TPO: variants seen among roughly 807,000 people sequenced by gnomAD.
TPO encodes thyroid microsomal antigen.
Under a neutral mutation model 96.9 loss-of-function variants are expected in TPO, and 78 were observed. That is an observed-to-expected ratio of 0.81 (90% CI 0.67 to 0.97). The LOEUF (loss-of-function observed/expected upper bound fraction) is 0.97, where lower values mean the gene tolerates loss of function less well. TPO is among the 50% of genes least tolerant of loss of function. The probability of loss-of-function intolerance (pLI) is 0.00; values close to 1 mark genes in which losing one functional copy is unlikely to be tolerated. For synonymous variants in TPO, 547 were observed against 538.0 expected (o/e 1.02, Z -0.23); for missense variants, 1,252 against 1,274.8 (o/e 0.98, Z 0.27).
Position 1,496,171 on chromosome 2 carries a change from A to T in TPO, c.2189A>T (p.Glu730Val). The change falls in exon 12 of 17, where the codon GAG becomes GTG. Residue 730 changes from glutamate (E) to valine (V), a missense_variant. Coordinates refer to ENST00000329066, the MANE Select transcript of TPO (RefSeq NM_001206744.2). ...SCDSITGMNLEAWRETFPQDD... is the reference protein window; with the variant it reads ...SCDSITGMNLVAWRETFPQDD... Reference sequence around the variant, plus strand: ...GACAGCATCACTGGCATGAACCTGGAGGCCTGGAGGGAAACCTTTCCTCAA... The same window carrying T: ...GACAGCATCACTGGCATGAACCTGGTGGCCTGGAGGGAAACCTTTCCTCAA... 6.2e-7 allele frequency: 1 copy of T among 1,614,018 alleles called. No individual in the cohort carries two copies. The highest frequency in any genetic ancestry group is 8.5e-7 in the Non-Finnish European group (1 of 1,179,960).
intron 10 of TPO, among the ~76,000 whole-genome samples, chr2:1,489,527 C>T (rs959969914): frequency 6.6e-6 from 1 of 152,214 alleles, no homozygotes; most frequent in Admixed American, 6.5e-5. Flanking sequence ...AACCCATGTT[C>T]CCACTGGCCT....
At chr2:1,478,223 A>T in intron 8 of TPO, 2 of 985,338 alleles carry the variant, frequency 2.0e-6, no homozygotes, top group Non-Finnish European at 2.4e-6. Context: ...GCCTTTTATT[A>T]ATTGTGTGAT....
At chr2:1,524,018 C>A (rs1355661488) in intron 15 of TPO, among the ~76,000 whole-genome samples, 12 of 85,378 alleles carry the variant, frequency 1.4e-4, no homozygotes, top group Admixed American at 1.2e-3. Context: ...AAATCCCCCC[C>A]ACTCTGTGCA....
chr2:1,433,716 C>A, intron 4 of TPO, 109 bp downstream of exon 4: 2 of 1,250,868 alleles, frequency 1.6e-6, no homozygotes, highest in Non-Finnish European at 2.3e-6. Flanking sequence ...TGAGACCAAG[C>A]AGGATGGGAC....
At position 1,496,665 on chromosome 2, in the gene TPO, C is replaced by A. The variant is rs13429240; in HGVS notation, c.2286C>A (p.Arg762=). The change falls in exon 13 of 17, where the codon CGC becomes CGA. Residue 762 remains arginine, a synonymous_variant. Transcript: ENST00000329066. ...TGCACTGTGAGGAGTCTGGGAGGCG[C>A]GTGCTGGTGTATTCCTGCCGGCACG... is the stretch of plus-strand genomic sequence containing the variant. The part of the protein sequence containing the change: ...DFVHCEESGR[R]VLVYSCRHGY... 3 of 1,613,926 alleles carry A rather than the reference C, an allele frequency of 1.9e-6. No individual in the cohort carries two copies. Among genetic ancestry groups the A allele is most frequent in the Non-Finnish European group, 2.5e-6 (3 of 1,179,996 alleles).
At chr2:1,402,326 C>T (rs1221097423) in intron 1 of TPO, among the ~76,000 whole-genome samples, 1 of 152,104 alleles carries the variant, frequency 6.6e-6, no homozygotes, top group Non-Finnish European at 1.5e-5. Flanking sequence ...AGGGAAGGCA[C>T]AGGAAGCAAG....
chr2:1,518,134 T>A (rs1393766639), intron 15 of TPO, among the ~76,000 whole-genome samples: 1 of 152,224 alleles, frequency 6.6e-6, no homozygotes, highest in African/African-American at 2.4e-5. Context: ...CACATATCTA[T>A]GGATTATCCA....
intron 1 of TPO, among the ~76,000 whole-genome samples, chr2:1,391,256 A>C (rs891009993): frequency 6.6e-5 from 10 of 152,214 alleles, no homozygotes; most frequent in Non-Finnish European, 1.2e-4. Context: ...ATGGCTAGCC[A>C]GTTTTCCCAG....
chr2:1,401,251 A>G (rs1214866261), intron 1 of TPO, among the ~76,000 whole-genome samples: 1 of 152,224 alleles, frequency 6.6e-6, no homozygotes, highest in East Asian at 1.9e-4. Flanking sequence ...AGTTTACTTG[A>G]CCATTAGAAG....
rs778217413 is a variant in TPO, at chr2:1,477,119, G to A, written c.853G>A (p.Ala285Thr). 8.7e-6 allele frequency: 14 copies of A among 1,608,210 alleles called. No individual in the cohort carries two copies. The highest frequency in any genetic ancestry group is 4.4e-5 in the South Asian group (4 of 90,678). Residue 285 changes from alanine (A) to threonine (T), a missense_variant, in exon 8 of 17, where the codon GCC (alanine) becomes ACC (threonine). By Grantham distance (58) the Ala-to-Thr change is moderately conservative (BLOSUM62 0). Transcript: ENST00000329066. ...GGAGGCCCGGCCGGCCGCGGGCACCGCCTGTCTGCCCTTCTACCGCTCTTC... is the reference window on the plus strand; with the variant it reads ...GGAGGCCCGGCCGGCCGCGGGCACCACCTGTCTGCCCTTCTACCGCTCTTC... ...PEEARPAAGT[A>T]CLPFYRSSAA... is the part of the protein sequence containing the mutation.
chr2:1,487,730 C>T lies in TPO; in HGVS notation c.1598-91C>T. The stretch of plus-strand genomic sequence containing the variant: ...AGCCTGGGCAACAGAAAGAATGAGA[C>T]TCCGTCTCAAAAAAAAAAAAAATTG... On this transcript the variant is annotated intron_variant, in intron 9 of 16. Transcript: ENST00000329066. The T allele has an allele frequency of 5.9e-6, 9 of 1,518,768 alleles. 1 individual carries two copies. The highest frequency in any genetic ancestry group is 8.0e-6 in the Non-Finnish European group (9 of 1,119,372). 94.1% of individuals were successfully genotyped at this position (1,518,768 alleles called of 1,614,324 possible). A position where few individuals can be genotyped will look rare whatever the true frequency, so the allele number is the denominator to read the frequency against.
At chr2:1,419,749 G>T (rs1018425473) in intron 2 of TPO, among the ~76,000 whole-genome samples, 2 of 152,306 alleles carry the variant, frequency 1.3e-5, no homozygotes, top group African/African-American at 4.8e-5. Flanking sequence ...TTGCTGAGGG[G>T]CTGTGCAGCA....
At position 1,380,348 on chromosome 2, in the gene TPO, C is replaced by A. The variant is rs188577707; in HGVS notation, n.180+5946C>A. Reference sequence around the variant, plus strand: ...GGCAGAGCTTGGAGTGAGCCGAGATCACTTTACTGCACTCCAGCCTGGGCG... The same window carrying A: ...GGCAGAGCTTGGAGTGAGCCGAGATAACTTTACTGCACTCCAGCCTGGGCG... On this transcript the variant is annotated intron_variant and non_coding_transcript_variant, in intron 1 of 5. Coordinates refer to the TPO transcript ENST00000497517. Among the ~76,000 whole-genome samples, 510 of 145,278 alleles carry A rather than the reference C, an allele frequency of 3.5e-3. 2 individuals are homozygous for A. The highest frequency in any genetic ancestry group is 0.012 in the African/African-American group (450 of 38,766).
In TPO at chr2:1,496,710, G is replaced by A; in HGVS notation, c.2331G>A (p.Arg777=). The change falls in exon 13 of 17, where the codon CGG becomes CGA. Residue 777 remains arginine (R), a synonymous_variant. Coordinates refer to ENST00000329066, the MANE Select transcript of TPO (RefSeq NM_001206744.2). ...GGCACGGGTATGAGCTCCAAGGCCG[G>A]GAGCAGCTCACTTGCACCCAGGAAG... is the stretch of plus-strand genomic sequence containing the variant. ...SCRHGYELQG[R]EQLTCTQEGW... 1 of 1,614,126 alleles carries A rather than the reference G, an allele frequency of 6.2e-7. No homozygotes were observed. Among genetic ancestry groups the A allele is most frequent in the African/African-American group, 1.3e-5 (1 of 75,034 alleles).
intron 14 of TPO, among the ~76,000 whole-genome samples, chr2:1,515,155 C>G (rs892250127): frequency 6.6e-6 from 1 of 152,228 alleles, no homozygotes; most frequent in Non-Finnish European, 1.5e-5. Context: ...CCACCCAGGC[C>G]TCGATCAGCT....
At chr2:1,384,277 A>C (rs1391946001) in intron 1 of TPO, among the ~76,000 whole-genome samples, 2 of 152,204 alleles carry the variant, frequency 1.3e-5, no homozygotes, top group Non-Finnish European at 2.9e-5. Context: ...TGGGGATGGC[A>C]CTGAATCTAT....
chr2:1,445,797 T>C lies in TPO; in HGVS notation c.483-7897T>C, dbSNP rs11689386. Reference sequence around the variant, plus strand: ...CCTTCTTGTTTGTATGAACCACTCATTGCTGCAGGAGGTACCATGTTGGAA... The same window carrying C: ...CCTTCTTGTTTGTATGAACCACTCACTGCTGCAGGAGGTACCATGTTGGAA... On this transcript the variant is annotated intron_variant, in intron 5 of 16. Transcript: ENST00000329066. Among the ~76,000 whole-genome samples, 141 of 17,246 alleles carry C rather than the reference T, an allele frequency of 8.2e-3. 16 individuals carry two copies. Among genetic ancestry groups the C allele is most frequent in the South Asian group, 0.013 (6 of 446 alleles). The allele number at this position is 17,246 out of a possible 152,430, so 11.3% of individuals were successfully genotyped here.
chr2:1,462,733 G>A (rs999256128), intron 7 of TPO, among the ~76,000 whole-genome samples: 9 of 152,310 alleles, frequency 5.9e-5, no homozygotes, highest in South Asian at 2.1e-4. Flanking sequence ...AATGAAATCA[G>A]GCCCATTCAC....
intron 1 of TPO, among the ~76,000 whole-genome samples, chr2:1,407,253 C>T (rs531700927): frequency 6.6e-6 from 1 of 152,218 alleles, no homozygotes; most frequent in Middle Eastern, 3.4e-3. Context: ...TTTCTAAATA[C>T]CACTTTGTTC....
Sources: gnomAD v4.1 joint callset for allele counts (sites outside exome capture counted in the v4.1 genomes callset) on GRCh38, gnomAD v4.1.1 for gene constraint, MANE v1.5 for transcripts, NCBI Gene and HGNC (gene_info 2026-07-23, HGNC 2026-07-21) for gene names.